Variants in CLIP2 observed in about 807,000 individuals in gnomAD.
The protein encoded by CLIP2 is CAP-Gly domain containing linker protein 2, also known as CAP-Gly domain-containing linker protein 2.
In CLIP2, 41 loss-of-function variants were observed where a neutral mutation model predicts 111.7. That is an observed-to-expected ratio of 0.37 (90% CI 0.29 to 0.48). CLIP2 has a LOEUF of 0.48. Ranked by LOEUF, CLIP2 falls within the 20% of genes least tolerant of loss-of-function variation. CLIP2 has a pLI of 0.99. For synonymous variants in CLIP2, 660 were observed against 644.2 expected, an observed-to-expected ratio of 1.02 and a Z score of -0.37; for missense variants, 1,160 against 1,422.1, an observed-to-expected ratio of 0.82 and a Z score of 2.96.
chr7:74,338,576 C>T lies in CLIP2; in HGVS notation c.250C>T (p.Arg84Trp), dbSNP rs782692701. Residue 84 changes from arginine to tryptophan, a missense_variant, in exon 3 of 17, where the codon CGG becomes TGG. Around this residue, in one of 5 missense-constraint regions of CLIP2, gnomAD observed 301 missense variants for 315.2 expected, o/e 0.96. Transcript: ENST00000223398. The surrounding 1 kb of genome is among the most constrained non-coding windows in gnomAD (Gnocchi z 4.3). ...CCTGGGGGACTTTGTGGTGGGCGAG[C>T]GGGTGTGGGTGAACGGCGTGAAGCC... The part of the protein sequence containing the change: ...DFLGDFVVGE[R>W]VWVNGVKPGV... The T allele has an allele frequency of 1.3e-6, 2 of 1,577,996 alleles. No homozygotes were observed. Among genetic ancestry groups the T allele is most frequent in the Admixed American group, 1.9e-5 (1 of 53,846 alleles).
intron 11 of CLIP2, chr7:74,381,457 G>A: frequency 2.8e-6 from 1 of 362,266 alleles, no homozygotes; most frequent in Non-Finnish European, 5.5e-6. Context: ...GAAGTGTTGG[G>A]ATTACAGGCA....
intron 7 of CLIP2, among the ~76,000 whole-genome samples, chr7:74,360,707 C>T (rs1790303361): frequency 6.6e-6 from 1 of 152,058 alleles, no homozygotes; most frequent in South Asian, 2.1e-4. Flanking sequence ...TCCCCCACCA[C>T]GCCTGGTTAA....
chr7:74,291,714 T>C (rs569733671), intron 1 of CLIP2, among the ~76,000 whole-genome samples: 7 of 152,274 alleles, frequency 4.6e-5, no homozygotes, highest in African/African-American at 1.4e-4. Context: ...TTCAGCACCC[T>C]TGCTGGTTAG....
chr7:74,311,890 C>T lies in CLIP2; in HGVS notation c.-67-5590C>T, dbSNP rs1045584576. ...TCGTGTCACTGCACTCCAGCCTGGG[C>T]GATAGAGCAAGACCACATCTCAAGA... is the stretch of plus-strand genomic sequence containing the variant. On this transcript the variant is annotated intron_variant, in intron 1 of 16. Transcript: ENST00000223398. 5.7e-5 allele frequency among the ~76,000 whole-genome samples: 8 copies of T among 141,112 alleles called. No homozygotes were observed. In the East Asian group the frequency reaches 6.1e-4, roughly 11 times the overall value. The allele number at this position is 141,112 out of a possible 152,430, so 92.6% of individuals were successfully genotyped here. A position where few individuals can be genotyped will look rare whatever the true frequency, so the allele number is the denominator to read the frequency against.
At chr7:74,369,663 C>A (rs1706280704) in intron 8 of CLIP2, among the ~76,000 whole-genome samples, 1 of 151,588 alleles carries the variant, frequency 6.6e-6, no homozygotes, top group African/African-American at 2.4e-5. Context: ...TCCAAACCAG[C>A]CTGGCTAACA....
chr7:74,363,054 G>A (rs1021074012), intron 7 of CLIP2, among the ~76,000 whole-genome samples: 1 of 151,714 alleles, frequency 6.6e-6, no homozygotes, highest in Non-Finnish European at 1.5e-5. Flanking sequence ...GCCCAGGCTG[G>A]AGTGCAATGG....
chr7:74,299,732 C>G (rs577528410), intron 1 of CLIP2, among the ~76,000 whole-genome samples: 2 of 151,750 alleles, frequency 1.3e-5, no homozygotes, highest in Admixed American at 6.6e-5. Flanking sequence ...GAGTTTCGCT[C>G]TTGTTGCCTA....
At chr7:74,305,876 T>G (rs1554727682) in intron 1 of CLIP2, among the ~76,000 whole-genome samples, 1 of 58,138 alleles carries the variant, frequency 1.7e-5, no homozygotes, top group African/African-American at 1.1e-4. Flanking sequence ...CCGCCCCTGC[T>G]GCCAGTTCAC....
Position 74,338,913 on chromosome 7 carries a change from T to C in CLIP2, c.587T>C (p.Val196Ala). 1 of 1,603,470 alleles carries C rather than the reference T, an allele frequency of 6.2e-7. No homozygotes were observed. The highest frequency in any genetic ancestry group is 1.7e-5 in the Admixed American group (1 of 60,016). Residue 196 changes from valine (V) to alanine (A), a missense_variant, in exon 3 of 17, where the codon GTG (valine) becomes GCG (alanine). By Grantham distance (64) the Val-to-Ala change is moderately conservative. Coordinates refer to ENST00000223398, the MANE Select transcript of CLIP2 (RefSeq NM_003388.5). This position sits in a 1 kb window ranked among gnomAD's most constrained non-coding sequence, Gnocchi z 4.3. The stretch of plus-strand genomic sequence containing the variant: ...CGGGAGAGCGTCCTCAACAGCTCCG[T>C]GAAGACTGGCAACGAGTCGGGATCC... ...PLRESVLNSS[V>A]KTGNESGSNL... is the part of the protein sequence containing the mutation.
rs782783752 is a variant in CLIP2, at chr7:74,376,544, C to T, written c.2143C>T (p.Arg715Trp). The T allele has an allele frequency of 1.9e-5, 30 of 1,604,560 alleles. No homozygotes were observed. The highest frequency in any genetic ancestry group is 2.4e-5 in the Non-Finnish European group (28 of 1,176,574). The change falls in exon 10 of 17, where the codon CGG (arginine) becomes TGG (tryptophan). Residue 715 changes from arginine (R) to tryptophan (W), a missense_variant. Physicochemically the swap from Arg to Trp is moderately radical, Grantham distance 101 (BLOSUM62 -3). Coordinates refer to ENST00000223398, the MANE Select transcript of CLIP2 (RefSeq NM_003388.5). This position sits in a 1 kb window ranked among gnomAD's most constrained non-coding sequence, Gnocchi z 7.1. ...GCTGGAGGTGCAAGCCAGCCAGCACCGGCTGGAGCTGCAGGAGGCCCAGGA... is the reference window on the plus strand; with the variant it reads ...GCTGGAGGTGCAAGCCAGCCAGCACTGGCTGGAGCTGCAGGAGGCCCAGGA... ...AQLEVQASQHRLELQEAQDQR... is the reference protein window; with the variant it reads ...AQLEVQASQHWLELQEAQDQR...
intron 6 of CLIP2, among the ~76,000 whole-genome samples, chr7:74,359,677 C>T (rs111885032): frequency 6.6e-4 from 100 of 152,202 alleles, no homozygotes; most frequent in African/African-American, 2.2e-3. Context: ...TTTTTTTGAG[C>T]AGATTCTAGG....
rs57582472 is a variant in CLIP2 at position 74,336,890 on chromosome 7, GTT to G, written c.122-1546_122-1545del. 1.8e-4 allele frequency among the ~76,000 whole-genome samples: 22 copies of G among 121,616 alleles called. 1 individual carries two copies. Among genetic ancestry groups the G allele is most frequent in the Middle Eastern group, 3.7e-3 (1 of 268 alleles). The allele number at this position is 121,616 out of a possible 152,430, so 79.8% of individuals were successfully genotyped here. ...TTTTTTTTTTGTTTTTTTTTGTTTT[GTT>G]TTTTTTTTTTTGAGACAGAGTCTCA... On this transcript the variant is annotated intron_variant, in intron 2 of 16. Coordinates refer to ENST00000223398, the MANE Select transcript of CLIP2 (RefSeq NM_003388.5).
At chr7:74,317,976 G>C (rs1369793887) in intron 2 of CLIP2, among the ~76,000 whole-genome samples, 1 of 152,088 alleles carries the variant, frequency 6.6e-6, no homozygotes, top group African/African-American at 2.4e-5. Flanking sequence ...TGGATCACTG[G>C]AGGTCAAGAG....
In CLIP2 at chr7:74,366,401, T is replaced by G. The variant is rs533050918; in HGVS notation, c.1380+2086T>G. Among the ~76,000 whole-genome samples, 28 of 152,314 alleles carry G rather than the reference T, an allele frequency of 1.8e-4. No individual in the cohort carries two copies. The South Asian group carries it at 5.8e-3, about 32-fold the overall frequency. On this transcript the variant is annotated intron_variant, in intron 8 of 16. Transcript: ENST00000223398. ...AGTCTGTGGCCTCCATGCCCTGGAA[T>G]GAGCCCCTGTAAGATCCACAGTCTT...
chr7:74,290,991 C>G (rs1787999664), intron 1 of CLIP2, among the ~76,000 whole-genome samples: 1 of 152,164 alleles, frequency 6.6e-6, no homozygotes, highest in Non-Finnish European at 1.5e-5. Flanking sequence ...CAGAAGTTTG[C>G]TGCCAGGTTG....
At position 74,380,840 on chromosome 7, in the gene CLIP2, T is replaced by C. The variant is rs1554313774; in HGVS notation, c.2456T>C (p.Ile819Thr). 3 of 1,612,680 alleles carry C rather than the reference T, an allele frequency of 1.9e-6. No individual in the cohort carries two copies. The highest frequency in any genetic ancestry group is 2.5e-6 in the Non-Finnish European group (3 of 1,179,020). ...TCGAATGACATTTCAGAGGAGACGA[T>C]CAGGACGAAGGAAACTGTGGAGGGT... ...IESNDISEET[I>T]RTKETVEGLQ... The change falls in exon 11 of 17, where the codon ATC (isoleucine) becomes ACC (threonine). Residue 819 changes from isoleucine (I) to threonine (T), a missense_variant. Ile to Thr is a moderately conservative substitution (Grantham distance 89). Around this residue, in one of 5 missense-constraint regions of CLIP2, gnomAD observed 676 missense variants for 777.8 expected, o/e 0.87. Transcript: ENST00000223398.
chr7:74,331,546 TTTTC>T (rs1402881884), intron 2 of CLIP2, among the ~76,000 whole-genome samples: 9 of 102,534 alleles, frequency 8.8e-5, no homozygotes, highest in African/African-American at 1.2e-4. Context: ...TTCGTTTTCT[TTTTC>T]TTTCTTTCTT....
chr7:74,361,379 G>A (rs1790328933), intron 7 of CLIP2, among the ~76,000 whole-genome samples: 1 of 151,594 alleles, frequency 6.6e-6, no homozygotes, highest in African/African-American at 2.4e-5. Context: ...ACCAAGCCCT[G>A]CTAATTTTTG....
intron 1 of CLIP2, among the ~76,000 whole-genome samples, chr7:74,303,316 G>A (rs1447186757): frequency 4.6e-5 from 7 of 152,252 alleles, no homozygotes; most frequent in African/African-American, 1.4e-4. Flanking sequence ...CCGTGGAGCA[G>A]GTGAGGTGCC....
Sources: gnomAD v4.1 joint callset for allele counts (sites outside exome capture counted in the v4.1 genomes callset) on GRCh38, gnomAD v4.1.1 for gene constraint, gnomAD v4.1.1 regional missense constraint, Gnocchi (gnomAD v3.1) non-coding constraint, MANE v1.5 for transcripts, NCBI Gene and HGNC (gene_info 2026-07-23, HGNC 2026-07-21) for gene names.